UGGT1: variants seen among roughly 807,000 people sequenced by gnomAD.
The protein encoded by UGGT1 is UDP-glucose:glycoprotein glucosyltransferase 1.
In UGGT1, 107 loss-of-function variants were observed where a neutral mutation model predicts 203.9. That is an observed-to-expected ratio of 0.52 (90% confidence interval 0.45 to 0.62). The LOEUF (loss-of-function observed/expected upper bound fraction) is 0.62. Among genes scored for constraint, UGGT1 ranks in the 20% least tolerant of loss-of-function variants. The pLI, the probability that UGGT1 is intolerant of heterozygous loss-of-function variation, is 0.00. For missense variants in UGGT1, 1,673 were observed against 1,867.2 expected, an observed-to-expected ratio of 0.90 and a Z score of 1.92; for synonymous variants, 628 against 653.5, an observed-to-expected ratio of 0.96 and a Z score of 0.59.
Position 128,143,171 on chromosome 2 carries a change from T to G in UGGT1, c.1797T>G (p.Tyr599Ter). Residue 599 changes from tyrosine to a stop codon, truncating the protein, a stop_gained, in exon 17 of 41, where the codon TAT becomes TAG. Coordinates refer to ENST00000259253, the MANE Select transcript of UGGT1 (RefSeq NM_020120.4). LOFTEE classifies it high-confidence loss of function. ...VVSVLEKKYPYVEVNSILGID... is the reference protein window; with the variant it reads ...VVSVLEKKYP ...GTGTCCTGGAGAAGAAATATCCGTA[T>G]GTAGAAGTGAATAGCATTTTGGGGA... is the stretch of plus-strand genomic sequence containing the variant. 6.2e-7 allele frequency: 1 copy of G among 1,613,860 alleles called. No homozygotes were observed. The highest frequency in any genetic ancestry group is 8.5e-7 in the Non-Finnish European group (1 of 1,179,908).
rs867663222 is a variant in UGGT1 at position 128,127,723 on chromosome 2, A to G, written c.1226+271A>G. Among the ~76,000 whole-genome samples the G allele has an allele frequency of 1.8e-4, 28 of 152,312 alleles. No homozygotes were observed. The Middle Eastern group carries it at 0.01, about 56-fold the overall frequency. Reference sequence around the variant, plus strand: ...TACTTTTCCACTTAACCATGGGAACATAGAAAAGAACAGGTTCTTTGGCTT... The same window carrying G: ...TACTTTTCCACTTAACCATGGGAACGTAGAAAAGAACAGGTTCTTTGGCTT... On this transcript the variant is annotated intron_variant, in intron 12 of 40. Transcript: ENST00000259253.
chr2:128,104,127 T>A, intron 3 of UGGT1, 113 bp downstream of exon 3: 1 of 742,860 alleles, frequency 1.3e-6, no homozygotes, highest in Non-Finnish European at 2.1e-6. Flanking sequence ...TTGTTGTCTT[T>A]AATGACTGGA....
At chr2:128,143,799 A>C (rs1689552745) in intron 17 of UGGT1, among the ~76,000 whole-genome samples, 1 of 152,184 alleles carries the variant, frequency 6.6e-6, no homozygotes, top group African/African-American at 2.4e-5. Context: ...GTATCCCAGA[A>C]GTCCTAACAA....
At chr2:128,121,079 G>A (rs1688360463) in intron 9 of UGGT1, 120 bp from the exon 10 acceptor site, 3 of 899,654 alleles carry the variant, frequency 3.3e-6, no homozygotes, top group Admixed American at 4.1e-5. Flanking sequence ...CTCTGGAATG[G>A]TTGCATTCGA....
At chr2:128,161,069 GTTCC>G in intron 24 of UGGT1, 65 bp from the exon 25 acceptor site, 1 of 1,586,626 alleles carries the variant, frequency 6.3e-7, no homozygotes, top group Admixed American at 1.8e-5. Context: ...ACGCCAGAGG[GTTCC>G]TTACCAGCTT....
chr2:128,178,408 A>C, intron 33 of UGGT1, 60 bp from the exon 34 acceptor site: 1 of 1,399,536 alleles, frequency 7.1e-7, no homozygotes, highest in Non-Finnish European at 9.8e-7. Flanking sequence ...TCTTACTTTC[A>C]AAGGCCGTGT....
chr2:128,153,876 C>T (rs1286795566), intron 19 of UGGT1, among the ~76,000 whole-genome samples: 2 of 152,290 alleles, frequency 1.3e-5, no homozygotes, highest in East Asian at 3.9e-4. Context: ...ACTGTCATCA[C>T]TAGCCCATGA....
At position 128,193,786 on chromosome 2, in the gene UGGT1, A is replaced by G. The variant is rs1314188781; in HGVS notation, c.*4044A>G. 6.6e-6 allele frequency: 1 copy of G among 152,208 alleles called. No individual in the cohort carries two copies. Among genetic ancestry groups the G allele is most frequent in the Admixed American group, 6.5e-5 (1 of 15,274 alleles). 9.4% of individuals were successfully genotyped at this position (152,208 alleles called of 1,614,324 possible). A position where few individuals can be genotyped will look rare whatever the true frequency, so the allele number is the denominator to read the frequency against. Reference sequence around the variant, plus strand: ...TCACCCTGAGAGTGACAAGTGTAAAATGACTCCCTTCCTCCCCCGCCCTCC... The same window carrying G: ...TCACCCTGAGAGTGACAAGTGTAAAGTGACTCCCTTCCTCCCCCGCCCTCC... On this transcript the variant is annotated 3_prime_UTR_variant, in exon 41 of 41. Coordinates refer to ENST00000259253, the MANE Select transcript of UGGT1 (RefSeq NM_020120.4).
At chr2:128,172,815 T>G in intron 29 of UGGT1, 53 bp downstream of exon 29, 5 of 1,541,788 alleles carry the variant, frequency 3.2e-6, no homozygotes, top group Non-Finnish European at 4.4e-6. Flanking sequence ...ATACAGCAGA[T>G]TGAATCATAG....
At chr2:128,116,641 C>G (rs188758458) in intron 8 of UGGT1, among the ~76,000 whole-genome samples, 1 of 152,274 alleles carries the variant, frequency 6.6e-6, no homozygotes, top group Non-Finnish European at 1.5e-5. Context: ...TATTCTGTCT[C>G]AGCCTCCCAA....
At position 128,195,294 on chromosome 2, in the gene UGGT1, G is replaced by C. The variant is rs1364730768; in HGVS notation, c.*5552G>C. ...ACTTGTCACCATTGAGATTTCCAGAGAAATGGGCATAACGTCTCTTAACAA... is the reference window on the plus strand; with the variant it reads ...ACTTGTCACCATTGAGATTTCCAGACAAATGGGCATAACGTCTCTTAACAA... On this transcript the variant is annotated 3_prime_UTR_variant, in exon 41 of 41. Coordinates refer to ENST00000259253, the MANE Select transcript of UGGT1 (RefSeq NM_020120.4). The C allele has an allele frequency of 6.6e-6, 1 of 152,200 alleles. No homozygotes were observed. The highest frequency in any genetic ancestry group is 1.5e-5 in the Non-Finnish European group (1 of 68,030). The allele number at this position is 152,200 out of a possible 1,614,324, so 9.4% of individuals were successfully genotyped here. A position where few individuals can be genotyped will look rare whatever the true frequency, so the allele number is the denominator to read the frequency against.
intron 18 of UGGT1, chr2:128,151,430 C>A: frequency 2.8e-6 from 1 of 356,328 alleles, no homozygotes; most frequent in South Asian, 2.4e-5. Flanking sequence ...TAATTGGAGT[C>A]AAGTAGATTT....
chr2:128,095,381 TCC>T (rs1348617135), intron 1 of UGGT1, among the ~76,000 whole-genome samples: 59 of 149,698 alleles, frequency 3.9e-4, no homozygotes, highest in Admixed American at 4.7e-4. Flanking sequence ...CTCTTCCCCT[TCC>T]CCTTCCCCTT....
Position 128,145,803 on chromosome 2 carries a change from G to A in UGGT1, c.1852G>A (p.Glu618Lys). Residue 618 changes from glutamate to lysine, a missense_variant and splice_region_variant, in exon 18 of 41, where the codon GAA (glutamate) becomes AAA (lysine). This residue lies in a region of UGGT1 where 1,073 missense variants were observed against 1,078.7 expected (regional missense o/e 0.99). Transcript: ENST00000259253. ...IDSAYDRNRKEARGYYEQTGV... is the reference protein window; with the variant it reads ...IDSAYDRNRKKARGYYEQTGV... ...GTTTTTGTGGTTACTTGTGTTTCAG[G>A]AAGCAAGAGGCTACTATGAGCAGAC... The A allele has an allele frequency of 6.4e-7, 1 of 1,557,066 alleles. No homozygotes were observed. Among genetic ancestry groups the A allele is most frequent in the African/African-American group, 1.4e-5 (1 of 72,666 alleles).
Position 128,160,575 on chromosome 2 carries a change from T to C in UGGT1, c.2678T>C (p.Val893Ala). ...AAGCTGAAGAAGGGACAGAGGGCAG[T>C]GATCAGCAATGGAAGGGTGAGGATT... ...VLKLKKGQRA[V>A]ISNGRIIGPL... The change falls in exon 24 of 41, where the codon GTG becomes GCG. Residue 893 changes from valine (V) to alanine (A), a missense_variant. Around this residue, in one of 4 missense-constraint regions of UGGT1, gnomAD observed 1,073 missense variants for 1,078.7 expected, o/e 0.99. Coordinates refer to ENST00000259253, the MANE Select transcript of UGGT1 (RefSeq NM_020120.4). 1 of 1,612,758 alleles carries C rather than the reference T, an allele frequency of 6.2e-7. No individual in the cohort carries two copies. Among genetic ancestry groups the C allele is most frequent in the Non-Finnish European group, 8.5e-7 (1 of 1,179,378 alleles).
chr2:128,156,555 ATTT>A (rs397792244), intron 21 of UGGT1, 140 bp downstream of exon 21: 2,442 of 399,256 alleles, frequency 6.1e-3, no homozygotes, highest in East Asian at 9.7e-3. Context: ...AATGTAGATA[ATTT>A]TTTTTTTTTT....
In UGGT1 at chr2:128,187,379, A is replaced by G. The variant is rs889203489; in HGVS notation, c.4477-70A>G. 5 of 1,536,988 alleles carry G rather than the reference A, an allele frequency of 3.3e-6. No individual in the cohort carries two copies. In the South Asian group the frequency reaches 3.7e-5, roughly 11 times the overall value. On this transcript the variant is annotated intron_variant, in intron 39 of 40. Coordinates refer to ENST00000259253, the MANE Select transcript of UGGT1 (RefSeq NM_020120.4). ...TTGTCCAGTTAGGACTTGTAACCCAAGAACCTTTGAATTCTCTATCATGTG... is the reference window on the plus strand; with the variant it reads ...TTGTCCAGTTAGGACTTGTAACCCAGGAACCTTTGAATTCTCTATCATGTG...
intron 17 of UGGT1, 150 bp from the exon 18 acceptor site, chr2:128,145,652 AT>A (rs1023413082): frequency 1.3e-6 from 1 of 786,452 alleles, no homozygotes; most frequent in Non-Finnish European, 1.9e-6. Flanking sequence ...GTCATTTTTC[AT>A]TTTTTTAAAA....
chr2:128,116,257 T>A lies in UGGT1; in HGVS notation c.794-8T>A. Reference sequence around the variant, plus strand: ...TATTAATAATATGTATTTTCTATTCTTTCATAGGAACTGAGGTAAACACCA... The same window carrying A: ...TATTAATAATATGTATTTTCTATTCATTCATAGGAACTGAGGTAAACACCA... On this transcript the variant is annotated splice_polypyrimidine_tract_variant and splice_region_variant and intron_variant, in intron 7 of 40. Coordinates refer to ENST00000259253, the MANE Select transcript of UGGT1 (RefSeq NM_020120.4). 1 of 1,570,586 alleles carries A rather than the reference T, an allele frequency of 6.4e-7. No homozygotes were observed. Among genetic ancestry groups the A allele is most frequent in the Non-Finnish European group, 8.7e-7 (1 of 1,142,876 alleles).
Sources: gnomAD v4.1 joint callset for allele counts (sites outside exome capture counted in the v4.1 genomes callset) on GRCh38, gnomAD v4.1.1 for gene constraint, gnomAD v4.1.1 regional missense constraint, MANE v1.5 for transcripts, NCBI Gene and HGNC (gene_info 2026-07-23, HGNC 2026-07-21) for gene names.